TRAPPC10: variants seen among roughly 807,000 people sequenced by gnomAD.
TRAPPC10 encodes the protein trafficking protein particle complex subunit 10.
TRAPPC10 carries 23 observed loss-of-function variants against 125.5 expected under a neutral mutation model. The ratio of observed to expected loss-of-function variants is 0.18; its 90% CI spans 0.13 to 0.26. TRAPPC10 has a LOEUF of 0.26. Ranked by LOEUF, TRAPPC10 falls within the 10% of genes least tolerant of loss-of-function variation. TRAPPC10 has a pLI of 1.00. For missense variants in TRAPPC10, 1,123 were observed against 1,308.4 expected (o/e 0.86, Z 2.19); for synonymous variants, 509 against 518.0 (o/e 0.98, Z 0.24).
Position 44,063,190 on chromosome 21 carries a change from C to G in TRAPPC10, c.791-348C>G. The G allele has an allele frequency of 1.6e-6, 2 of 1,283,786 alleles. No homozygotes were observed. Among genetic ancestry groups the G allele is most frequent in the Admixed American group, 5.1e-5 (2 of 38,960 alleles). 79.5% of individuals were successfully genotyped at this position (1,283,786 alleles called of 1,614,324 possible). ...ACAGGTAAAGATAAGGAAGCCCAGCCCCGCTGCAGCCTAAGACTAGAGCCC... is the reference window on the plus strand; with the variant it reads ...ACAGGTAAAGATAAGGAAGCCCAGCGCCGCTGCAGCCTAAGACTAGAGCCC... On this transcript the variant is annotated intron_variant, in intron 6 of 22. Coordinates refer to ENST00000291574, the MANE Select transcript of TRAPPC10 (RefSeq NM_003274.5). The surrounding 1 kb of genome is among the most constrained non-coding windows in gnomAD (Gnocchi z 4.4).
chr21:44,070,469 C>T (rs1205322723), intron 7 of TRAPPC10, among the ~76,000 whole-genome samples: 2 of 152,232 alleles, frequency 1.3e-5, no homozygotes, highest in African/African-American at 2.4e-5. Context: ...CCAAGCTGCA[C>T]GCTCTGCCAT....
At chr21:44,056,254 A>C (rs1332991794) in intron 5 of TRAPPC10, among the ~76,000 whole-genome samples, 2 of 152,178 alleles carry the variant, frequency 1.3e-5, no homozygotes, top group Non-Finnish European at 2.9e-5. Flanking sequence ...AGAAGGGTCA[A>C]CTCTTCCATA....
intron 1 of TRAPPC10, among the ~76,000 whole-genome samples, chr21:44,024,204 T>G (rs1382207149): frequency 6.6e-6 from 1 of 152,262 alleles, no homozygotes; most frequent in Non-Finnish European, 1.5e-5. Context: ...GTGTTTTCTC[T>G]TTTCCACACT....
chr21:44,023,410 G>T (rs2032750898), intron 1 of TRAPPC10, among the ~76,000 whole-genome samples: 1 of 152,038 alleles, frequency 6.6e-6, no homozygotes, highest in African/African-American at 2.4e-5. Flanking sequence ...TTTGTTGTTC[G>T]TTTAGTATGG....
intron 3 of TRAPPC10, among the ~76,000 whole-genome samples, chr21:44,049,736 T>TG (rs2035107396): frequency 6.6e-6 from 1 of 152,220 alleles, no homozygotes; most frequent in Non-Finnish European, 1.5e-5. Flanking sequence ...TTGCCCACCT[T>TG]GGGCCCTGAT....
intron 10 of TRAPPC10, 51 bp from the exon 11 acceptor site, chr21:44,077,642 T>A (rs1569202600): frequency 7.6e-7 from 1 of 1,322,602 alleles, no homozygotes. Flanking sequence ...ATGTAGTATT[T>A]GTCCATCATT....
intron 7 of TRAPPC10, among the ~76,000 whole-genome samples, chr21:44,065,479 A>G (rs1601723586): frequency 1.3e-5 from 2 of 152,160 alleles, no homozygotes; most frequent in South Asian, 4.1e-4. Flanking sequence ...TTTTAGTCAT[A>G]GCTATTGCAC....
chr21:44,026,860 C>T (rs1198101117), intron 1 of TRAPPC10, among the ~76,000 whole-genome samples: 1 of 152,188 alleles, frequency 6.6e-6, no homozygotes, highest in Non-Finnish European at 1.5e-5. Context: ...CCTCCACCCT[C>T]AGGGTCTTCT....
rs770457726 is a variant in TRAPPC10, at chr21:44,052,358, G to A, written c.364G>A (p.Asp122Asn). The A allele has an allele frequency of 6.2e-7, 1 of 1,613,692 alleles. No homozygotes were observed. The highest frequency in any genetic ancestry group is 1.3e-5 in the African/African-American group (1 of 74,882). ...TGTTCTGAAGGCTCATAGCTCTGTG[G>A]ACTGGTTAATAGTGATAGTTGAAAA... ...QNVLKAHSSV[D>N]WLIVIVENDA... The change falls in exon 4 of 23, where the codon GAC (aspartate) becomes AAC (asparagine). Residue 122 changes from aspartate to asparagine, a missense_variant. Around this residue, in one of 4 missense-constraint regions of TRAPPC10, gnomAD observed 177 missense variants for 228.9 expected, o/e 0.77. Transcript: ENST00000291574.
rs1309606189 is a variant in TRAPPC10 at position 44,059,924 on chromosome 21, T to C, written c.790+710T>C. ...TGGTGTTGGACATTGGGTTCTTTTA[T>C]GCTTCTTGCCACCACAAGCAGTGCT... On this transcript the variant is annotated intron_variant, in intron 6 of 22. Transcript: ENST00000291574. This position sits in a 1 kb window ranked among gnomAD's most constrained non-coding sequence, Gnocchi z 4.4. The C allele has an allele frequency of 5.9e-6, 1 of 168,876 alleles. No homozygotes were observed. Among genetic ancestry groups the C allele is most frequent in the African/African-American group, 2.4e-5 (1 of 41,928 alleles). 10.5% of individuals were successfully genotyped at this position (168,876 alleles called of 1,614,324 possible). A position where few individuals can be genotyped will look rare whatever the true frequency, so the allele number is the denominator to read the frequency against.
At chr21:44,072,929 C>T (rs769941819) in intron 7 of TRAPPC10, among the ~76,000 whole-genome samples, 8 of 152,144 alleles carry the variant, frequency 5.3e-5, no homozygotes, top group South Asian at 2.1e-4. Context: ...GCGGTCAGCC[C>T]GCTCCAGGCC....
chr21:44,014,220 G>A (rs1251583501), intron 1 of TRAPPC10, among the ~76,000 whole-genome samples: 2 of 152,080 alleles, frequency 1.3e-5, no homozygotes, highest in Admixed American at 6.6e-5. Flanking sequence ...TAACTAAAGG[G>A]GTAAAGTTTG....
intron 3 of TRAPPC10, among the ~76,000 whole-genome samples, chr21:44,045,447 G>A (rs1249472705): frequency 1.3e-5 from 2 of 151,856 alleles, no homozygotes; most frequent in Non-Finnish European, 2.9e-5. Context: ...TTTTAAAGAT[G>A]TTTCACCTCT....
intron 1 of TRAPPC10, among the ~76,000 whole-genome samples, chr21:44,030,176 C>T (rs7275736): frequency 0.034 from 5,171 of 152,084 alleles, 253 homozygotes; most frequent in African/African-American, 0.11. Context: ...TTACTCTGTA[C>T]GGATGTTATT....
chr21:44,025,019 T>C (rs2032914119), intron 1 of TRAPPC10, among the ~76,000 whole-genome samples: 1 of 152,262 alleles, frequency 6.6e-6, no homozygotes, highest in South Asian at 2.1e-4. Context: ...CATTCCATGA[T>C]GTCGATATTC....
chr21:44,025,078 T>C (rs1324255146), intron 1 of TRAPPC10, among the ~76,000 whole-genome samples: 1 of 152,252 alleles, frequency 6.6e-6, no homozygotes, highest in Non-Finnish European at 1.5e-5. Flanking sequence ...AGTTGTTTTG[T>C]GTTTTACTGT....
intron 1 of TRAPPC10, among the ~76,000 whole-genome samples, chr21:44,018,551 T>C (rs9974165): frequency 0.35 from 52,599 of 151,824 alleles, 13,262 homozygotes; most frequent in African/African-American, 0.71. Flanking sequence ...ATACAAAAAT[T>C]AGCTGGGCGT....
At chr21:44,044,660 C>CTT (rs34356064) in intron 3 of TRAPPC10, among the ~76,000 whole-genome samples, 2,150 of 86,106 alleles carry the variant, frequency 0.025, 31 homozygotes, top group African/African-American at 0.048. Context: ...AAAATCATGT[C>CTT]TTTTTTTTTT....
At chr21:44,017,141 A>T (rs1458196178) in intron 1 of TRAPPC10, among the ~76,000 whole-genome samples, 1 of 152,226 alleles carries the variant, frequency 6.6e-6, no homozygotes, top group Non-Finnish European at 1.5e-5. Context: ...TGAACCAAAG[A>T]TTGAAAAGTA....
Sources: gnomAD v4.1 joint callset for allele counts (sites outside exome capture counted in the v4.1 genomes callset) on GRCh38, gnomAD v4.1.1 for gene constraint, gnomAD v4.1.1 regional missense constraint, Gnocchi (gnomAD v3.1) non-coding constraint, MANE v1.5 for transcripts, NCBI Gene and HGNC (gene_info 2026-07-23, HGNC 2026-07-21) for gene names.